Variants in HLCS observed in about 807,000 individuals in gnomAD.
HLCS encodes holocarboxylase synthetase, also known as biotin--protein ligase.
Under a neutral mutation model 75.0 loss-of-function variants are expected in HLCS, and 53 were observed. That is an observed-to-expected ratio of 0.71 (90% CI 0.57 to 0.89). The LOEUF is 0.89. HLCS is among the 40% of genes least tolerant of loss of function. The pLI is 0.00. For missense variants in HLCS, 966 were observed against 1,074.0 expected (o/e 0.90, Z 1.41); for synonymous variants, 431 against 428.6 (o/e 1.01, Z -0.07).
chr21:36,851,209 C>T lies in HLCS; in HGVS notation c.1892+45651G>A, dbSNP rs190397508. 3.2e-3 allele frequency among the ~76,000 whole-genome samples: 493 copies of T among 152,324 alleles called. 3 individuals carry two copies. The highest frequency in any genetic ancestry group is 0.011 in the African/African-American group (474 of 41,568). On this transcript the variant is annotated intron_variant, in intron 6 of 10. Transcript: ENST00000674895. ...ACCCAAAAGAATGGAAACCAGGATA[C>T]TGAAGAGCTATCTGCACTCCCATGT...
At chr21:36,799,642 G>A (rs1339630029) in intron 6 of HLCS, among the ~76,000 whole-genome samples, 1 of 152,116 alleles carries the variant, frequency 6.6e-6, no homozygotes, top group Non-Finnish European at 1.5e-5. Flanking sequence ...GCTGCGGCCT[G>A]AACACCCCAC....
intron 6 of HLCS, among the ~76,000 whole-genome samples, chr21:36,796,036 A>G (rs1399535951): frequency 6.6e-6 from 1 of 152,236 alleles, no homozygotes; most frequent in Non-Finnish European, 1.5e-5. Context: ...AATAGTTGCA[A>G]TCTGTAACTC....
intron 6 of HLCS, among the ~76,000 whole-genome samples, chr21:36,789,674 T>C (rs1189118915): frequency 6.6e-6 from 1 of 152,232 alleles, no homozygotes; most frequent in Non-Finnish European, 1.5e-5. Context: ...AACAAAAGAT[T>C]TCATCACACA....
chr21:36,754,396 G>A lies in HLCS; in HGVS notation c.2472C>T (p.Gly824=), dbSNP rs1264109246. 1.9e-6 allele frequency: 3 copies of A among 1,613,196 alleles called. No homozygotes were observed. The highest frequency in any genetic ancestry group is 2.2e-5 in the South Asian group (2 of 91,012). The change falls in exon 11 of 11, where the codon GGC becomes GGT. Residue 824 remains glycine (G), a synonymous_variant. Coordinates refer to ENST00000674895, the MANE Select transcript of HLCS (RefSeq NM_001352514.2). The part of the protein sequence containing the change: ...WVHSGQQVHL[G]SAEGPKVSIV... ...TGGACACCTTTGGTCCCTCTGCGCT[G>A]CCCAGATGGACTTGCTGACCACTGA...
intron 6 of HLCS, among the ~76,000 whole-genome samples, chr21:36,773,866 A>C (rs1365387536): frequency 6.6e-6 from 1 of 152,214 alleles, no homozygotes; most frequent in East Asian, 1.9e-4. Flanking sequence ...TCATTTCAGA[A>C]CTACTTTTAA....
At chr21:36,892,812 T>G (rs1280541404) in intron 6 of HLCS, among the ~76,000 whole-genome samples, 1 of 152,164 alleles carries the variant, frequency 6.6e-6, no homozygotes, top group Non-Finnish European at 1.5e-5. Context: ...ATATCTAACA[T>G]AAATTTCACT....
At chr21:36,847,235 A>ATTTTGAC (rs2062828424) in intron 6 of HLCS, among the ~76,000 whole-genome samples, 1 of 152,200 alleles carries the variant, frequency 6.6e-6, no homozygotes, top group Non-Finnish European at 1.5e-5. Context: ...TTGACATTGA[A>ATTTTGAC]ATAAAGGCTT....
At chr21:36,883,216 G>T (rs1164072269) in intron 6 of HLCS, among the ~76,000 whole-genome samples, 1 of 152,180 alleles carries the variant, frequency 6.6e-6, no homozygotes, top group Non-Finnish European at 1.5e-5. Flanking sequence ...AAAGGGGCAG[G>T]TGAAAGCAAA....
chr21:36,817,086 C>T (rs925303907), intron 6 of HLCS, among the ~76,000 whole-genome samples: 7 of 151,992 alleles, frequency 4.6e-5, no homozygotes, highest in Non-Finnish European at 7.4e-5. Flanking sequence ...AGTAAGCGTT[C>T]GATGAAGATG....
At chr21:36,868,974 G>A (rs1471136521) in intron 6 of HLCS, among the ~76,000 whole-genome samples, 1 of 152,162 alleles carries the variant, frequency 6.6e-6, no homozygotes, top group African/African-American at 2.4e-5. Context: ...AAAAACTGAG[G>A]CACCGCACAG....
intron 5 of HLCS, among the ~76,000 whole-genome samples, chr21:36,923,750 C>A (rs979526334): frequency 2.0e-5 from 3 of 152,146 alleles, no homozygotes; most frequent in Non-Finnish European, 2.9e-5. Flanking sequence ...CACAGGAAAA[C>A]CCCCCAAGTA....
At chr21:36,832,601 G>C (rs1034449472) in intron 6 of HLCS, among the ~76,000 whole-genome samples, 2 of 152,202 alleles carry the variant, frequency 1.3e-5, no homozygotes, top group African/African-American at 4.8e-5. Context: ...TCACTTTACA[G>C]ATAGGGAAAA....
At chr21:36,982,554 T>A (rs2069142902) in intron 1 of HLCS, among the ~76,000 whole-genome samples, 1 of 152,214 alleles carries the variant, frequency 6.6e-6, no homozygotes, top group Non-Finnish European at 1.5e-5. Context: ...TCACAAACTG[T>A]CTTGGAGAAT....
At chr21:36,929,987 A>G (rs975460557) in intron 5 of HLCS, among the ~76,000 whole-genome samples, 1 of 152,244 alleles carries the variant, frequency 6.6e-6, no homozygotes, top group Non-Finnish European at 1.5e-5. Flanking sequence ...CTCTTGACAC[A>G]GGGACCCTCT....
intron 6 of HLCS, among the ~76,000 whole-genome samples, chr21:36,833,649 A>G (rs1399142160): frequency 6.7e-6 from 1 of 149,168 alleles, no homozygotes; most frequent in African/African-American, 2.5e-5. Flanking sequence ...GGAGATTTTA[A>G]TATTCAGTAA....
intron 6 of HLCS, among the ~76,000 whole-genome samples, chr21:36,817,409 C>A (rs560046473): frequency 5.9e-5 from 9 of 152,252 alleles, no homozygotes; most frequent in African/African-American, 2.2e-4. Flanking sequence ...AGATCTTATG[C>A]CATAGTTGTG....
intron 2 of HLCS, among the ~76,000 whole-genome samples, chr21:36,960,529 G>A (rs953219104): frequency 6.6e-6 from 1 of 152,188 alleles, no homozygotes; most frequent in African/African-American, 2.4e-5. Context: ...GCCCGCTCCA[G>A]GGCCCCCATC....
intron 5 of HLCS, among the ~76,000 whole-genome samples, chr21:36,899,617 C>T (rs1173837496): frequency 1.3e-5 from 2 of 152,062 alleles, no homozygotes; most frequent in Non-Finnish European, 1.5e-5. Context: ...AGCAAAACTG[C>T]ATCTCAAATA....
chr21:36,898,875 A>C (rs1351337183), intron 5 of HLCS, among the ~76,000 whole-genome samples: 7 of 152,220 alleles, frequency 4.6e-5, no homozygotes, highest in Non-Finnish European at 8.8e-5. Context: ...AGCCTGGGCA[A>C]CATGGTGAAA....
Sources: allele counts gnomAD v4.1 joint callset (sites outside exome capture counted in the v4.1 genomes callset), GRCh38; gene constraint gnomAD v4.1.1; transcripts MANE v1.5; gene names NCBI Gene and HGNC (gene_info 2026-07-23, HGNC 2026-07-21).